Variants in CRY1 observed in about 807,000 individuals in gnomAD.
The protein encoded by CRY1 is cryptochrome circadian regulator 1, also known as cryptochrome-1.
In CRY1, 45 loss-of-function variants were observed where a neutral mutation model predicts 76.0. The observed-to-expected ratio is 0.59, with a 90% CI of 0.47 to 0.76. The LOEUF is 0.76. Among genes scored for constraint, CRY1 ranks in the 30% least tolerant of loss-of-function variants. The pLI is 0.00. For missense variants in CRY1, 587 were observed against 716.4 expected (o/e 0.82, Z 2.06); for synonymous variants, 248 against 244.0 (o/e 1.02, Z -0.15).
intron 2 of CRY1, among the ~76,000 whole-genome samples, chr12:107,020,571 G>A (rs1018600756): frequency 2.0e-5 from 3 of 150,814 alleles, no homozygotes; most frequent in African/African-American, 4.9e-5. Context: ...GCACCTCCCC[G>A]CTCCTTCTCT....
chr12:107,088,993 A>G (rs571031478), intron 1 of CRY1, among the ~76,000 whole-genome samples: 9 of 152,358 alleles, frequency 5.9e-5, no homozygotes, highest in African/African-American at 1.9e-4. Flanking sequence ...ACAGAATCAT[A>G]TAACACATGG....
At position 107,092,966 on chromosome 12, in the gene CRY1, G is replaced by T; in HGVS notation, c.-5C>A. The T allele has an allele frequency of 6.5e-7, 1 of 1,535,788 alleles. No individual in the cohort carries two copies. The highest frequency in any genetic ancestry group is 8.7e-7 in the Non-Finnish European group (1 of 1,145,482). On this transcript the variant is annotated 5_prime_UTR_variant, in exon 1 of 13. Transcript: ENST00000008527. ...GTGCACGGCGTTCACCCCCATGCCG[G>T]GGGGCGCGGCGGGTCCTCCACGGAG...
intron 1 of CRY1, among the ~76,000 whole-genome samples, chr12:107,042,024 G>T (rs1952804741): frequency 6.6e-6 from 1 of 152,086 alleles, no homozygotes; most frequent in African/African-American, 2.4e-5. Flanking sequence ...ACAACAGGAT[G>T]GGTGCCAACA....
chr12:107,083,141 G>GGAA (rs1042814954), intron 1 of CRY1, among the ~76,000 whole-genome samples: 5 of 152,100 alleles, frequency 3.3e-5, no homozygotes, highest in Non-Finnish European at 4.4e-5. Flanking sequence ...GACTAAACCA[G>GGAA]GAAGAAGTCA....
chr12:107,077,254 T>C (rs1953267910), intron 1 of CRY1, among the ~76,000 whole-genome samples: 4 of 152,322 alleles, frequency 2.6e-5, no homozygotes, highest in Middle Eastern at 3.4e-3. Context: ...GCTTTCACAA[T>C]TGTATTTGCA....
intron 1 of CRY1, among the ~76,000 whole-genome samples, chr12:107,078,285 A>T (rs1953282183): frequency 6.6e-6 from 1 of 152,028 alleles, no homozygotes; most frequent in African/African-American, 2.4e-5. Context: ...CCTCTAAACA[A>T]CATCTAGCAT....
At chr12:107,029,692 T>C (rs1485589933) in intron 1 of CRY1, among the ~76,000 whole-genome samples, 2 of 152,018 alleles carry the variant, frequency 1.3e-5, no homozygotes, top group Non-Finnish European at 2.9e-5. Flanking sequence ...GGAGTGATAC[T>C]GTTAATTACT....
intron 1 of CRY1, among the ~76,000 whole-genome samples, chr12:107,039,647 A>G (rs2136865126): frequency 6.6e-6 from 1 of 152,302 alleles, no homozygotes; most frequent in South Asian, 2.1e-4. Context: ...AGCTATTGTC[A>G]AAAAAATAAA....
At chr12:107,091,591 T>A (rs1230619918) in intron 1 of CRY1, among the ~76,000 whole-genome samples, 1 of 152,214 alleles carries the variant, frequency 6.6e-6, no homozygotes, top group Non-Finnish European at 1.5e-5. Context: ...ACATTACTTC[T>A]CTGCTCATAA....
intron 1 of CRY1, among the ~76,000 whole-genome samples, chr12:107,029,606 C>CAAAAAAA (rs35485801): frequency 8.9e-6 from 1 of 112,272 alleles, no homozygotes; most frequent in African/African-American, 3.4e-5. Context: ...GGTCTTGCCT[C>CAAAAAAA]AAAAAAAAAA....
intron 3 of CRY1, among the ~76,000 whole-genome samples, chr12:107,004,669 T>A (rs1952349596): frequency 6.6e-6 from 1 of 151,988 alleles, no homozygotes; most frequent in Admixed American, 6.6e-5. Context: ...GGATTTAAAA[T>A]CCAGACAGAC....
intron 10 of CRY1, among the ~76,000 whole-genome samples, chr12:106,996,165 G>A (rs888695039): frequency 2.0e-5 from 3 of 152,190 alleles, no homozygotes; most frequent in Non-Finnish European, 4.4e-5. Flanking sequence ...GTTGTTCTCC[G>A]CATGTATCCA....
chr12:107,070,664 A>ATTTT (rs61257299), intron 1 of CRY1, among the ~76,000 whole-genome samples: 2,366 of 142,156 alleles, frequency 0.017, 31 homozygotes, highest in Middle Eastern at 0.044. Flanking sequence ...GGATTCTCTT[A>ATTTT]TTTTTATTTA....
At chr12:107,042,762 T>C (rs1198022035) in intron 1 of CRY1, among the ~76,000 whole-genome samples, 3 of 152,126 alleles carry the variant, frequency 2.0e-5, no homozygotes, top group Non-Finnish European at 4.4e-5. Flanking sequence ...AAACTTAGGA[T>C]GGCCACACGG....
intron 1 of CRY1, among the ~76,000 whole-genome samples, chr12:107,024,249 T>C (rs1274690676): frequency 1.3e-5 from 2 of 152,126 alleles, no homozygotes; most frequent in Non-Finnish European, 2.9e-5. Context: ...GTCAAAACAA[T>C]TCTATGTGGT....
intron 2 of CRY1, among the ~76,000 whole-genome samples, chr12:107,006,622 A>C (rs1418450991): frequency 6.8e-6 from 1 of 146,872 alleles, no homozygotes; most frequent in Non-Finnish European, 1.5e-5. Context: ...ACTTGCCAAT[A>C]ATATGTATTA....
intron 1 of CRY1, among the ~76,000 whole-genome samples, chr12:107,024,521 C>A (rs965466776): frequency 6.6e-6 from 1 of 152,056 alleles, no homozygotes; most frequent in Non-Finnish European, 1.5e-5. Context: ...GGACCACAGG[C>A]ATATGCCATC....
At chr12:107,008,525 A>G (rs1952399895) in intron 2 of CRY1, among the ~76,000 whole-genome samples, 1 of 152,244 alleles carries the variant, frequency 6.6e-6, no homozygotes, top group African/African-American at 2.4e-5. Flanking sequence ...TCTGTCTTCC[A>G]TGACTGCACT....
Position 107,049,237 on chromosome 12 carries a change from A to G in CRY1, c.159-27045T>C, listed in dbSNP as rs147157734. Among the ~76,000 whole-genome samples, 1,055 of 152,312 alleles carry G rather than the reference A, an allele frequency of 6.9e-3. 19 individuals are homozygous for G. The highest frequency in any genetic ancestry group is 0.024 in the African/African-American group (1,011 of 41,568). On this transcript the variant is annotated intron_variant, in intron 1 of 12. Transcript: ENST00000008527. ...TTTCAGCCCAACACAACTGCTAAAA[A>G]TTCTGCTCAGTCTCTCAGTCACCAT...
Sources: gnomAD v4.1 joint callset for allele counts (sites outside exome capture counted in the v4.1 genomes callset) on GRCh38, gnomAD v4.1.1 for gene constraint, MANE v1.5 for transcripts, NCBI Gene and HGNC (gene_info 2026-07-23, HGNC 2026-07-21) for gene names.